The following OTUD7A variants were observed in gnomAD, a reference collection of about 807,000 sequenced individuals.
OTUD7A encodes OTU domain-containing protein 7A.
Under a neutral mutation model 65.7 loss-of-function variants are expected in OTUD7A, and 12 were observed. That is an observed-to-expected ratio of 0.18 (90% CI 0.12 to 0.30). OTUD7A has a LOEUF of 0.30. Ranked by LOEUF, OTUD7A falls within the 10% of genes least tolerant of loss-of-function variation. The pLI is 1.00. For synonymous variants in OTUD7A, 641 were observed against 586.3 expected (o/e 1.09, Z -1.35); for missense variants, 1,148 against 1,304.8 (o/e 0.88, Z 1.85).
intron 1 of OTUD7A, among the ~76,000 whole-genome samples, chr15:31,786,428 G>C (rs1323784709): frequency 6.6e-6 from 1 of 152,230 alleles, no homozygotes; most frequent in Non-Finnish European, 1.5e-5. Context: ...TGGACAGAGT[G>C]TCTCATTACT....
chr15:31,568,810 C>A (rs35332004), intron 4 of OTUD7A, among the ~76,000 whole-genome samples: 1 of 152,124 alleles, frequency 6.6e-6, no homozygotes, highest in Non-Finnish European at 1.5e-5. Flanking sequence ...TGCAGCACCT[C>A]TGCCTTCCAA....
At chr15:31,671,024 T>C (rs879572895) in intron 1 of OTUD7A, among the ~76,000 whole-genome samples, 5 of 152,166 alleles carry the variant, frequency 3.3e-5, no homozygotes, top group East Asian at 3.9e-4. Context: ...TCCCATTCTG[T>C]AGGCTGTCTG....
At chr15:31,834,634 T>C (rs985477086) in intron 1 of OTUD7A, among the ~76,000 whole-genome samples, 2 of 152,194 alleles carry the variant, frequency 1.3e-5, no homozygotes, top group African/African-American at 4.8e-5. Flanking sequence ...AGTTCTATTA[T>C]GTATGTATTC....
At chr15:31,506,858 T>C (rs2041578844) in intron 8 of OTUD7A, among the ~76,000 whole-genome samples, 1 of 152,220 alleles carries the variant, frequency 6.6e-6, no homozygotes, top group African/African-American at 2.4e-5. Context: ...TGATGGATTA[T>C]TTTAAGCAGT....
intron 1 of OTUD7A, among the ~76,000 whole-genome samples, chr15:31,860,513 T>C (rs1897689585): frequency 6.6e-6 from 1 of 151,064 alleles, no homozygotes; most frequent in Admixed American, 6.6e-5. Flanking sequence ...TGCATGAGCT[T>C]CTCCTCAAGG....
At chr15:31,713,835 T>C (rs1187118028) in intron 1 of OTUD7A, among the ~76,000 whole-genome samples, 1 of 151,724 alleles carries the variant, frequency 6.6e-6, no homozygotes, top group Non-Finnish European at 1.5e-5. Flanking sequence ...GAAATATACT[T>C]GTACATACAC....
At chr15:31,724,412 T>C (rs1471596481) in intron 1 of OTUD7A, among the ~76,000 whole-genome samples, 1 of 152,258 alleles carries the variant, frequency 6.6e-6, no homozygotes, top group Non-Finnish European at 1.5e-5. Context: ...CATTTGCAAA[T>C]GGTAAAGGGT....
chr15:31,746,911 G>A (rs1452269146), intron 1 of OTUD7A, among the ~76,000 whole-genome samples: 1 of 152,208 alleles, frequency 6.6e-6, no homozygotes, highest in East Asian at 1.9e-4. Flanking sequence ...TGGGGTGAGA[G>A]AAAATTTCTG....
chr15:31,529,444 T>G (rs530379418), intron 6 of OTUD7A, among the ~76,000 whole-genome samples: 1 of 152,296 alleles, frequency 6.6e-6, no homozygotes, highest in East Asian at 1.9e-4. Context: ...GACCGGAAGA[T>G]GATGACAATA....
intron 10 of OTUD7A, among the ~76,000 whole-genome samples, chr15:31,491,884 A>G (rs1291053907): frequency 6.6e-6 from 1 of 152,252 alleles, no homozygotes; most frequent in Non-Finnish European, 1.5e-5. Flanking sequence ...AGAAAAAAAA[A>G]AACTGTTAAT....
intron 1 of OTUD7A, among the ~76,000 whole-genome samples, chr15:31,860,259 T>C (rs1380921116): frequency 6.6e-6 from 1 of 152,184 alleles, no homozygotes; most frequent in Non-Finnish European, 1.5e-5. Context: ...TTTTGTTTAT[T>C]TGCAACCCAA....
chr15:31,489,468 C>G (rs1418600397), intron 10 of OTUD7A, among the ~76,000 whole-genome samples: 2 of 152,106 alleles, frequency 1.3e-5, no homozygotes, highest in East Asian at 3.9e-4. Context: ...GAACATCAGC[C>G]CAGCCACCAC....
chr15:31,601,069 A>T (rs1890059128), intron 3 of OTUD7A, among the ~76,000 whole-genome samples: 1 of 152,192 alleles, frequency 6.6e-6, no homozygotes, highest in Non-Finnish European at 1.5e-5. Context: ...AAAATTAACA[A>T]GGACATTCAG....
At chr15:31,694,561 C>T in intron 1 of OTUD7A, among the ~76,000 whole-genome samples, 1 of 152,148 alleles carries the variant, frequency 6.6e-6, no homozygotes, top group South Asian at 2.1e-4. Context: ...CCATATATCC[C>T]TTGAACTTAT....
intron 1 of OTUD7A, among the ~76,000 whole-genome samples, chr15:31,758,767 A>C (rs1187063636): frequency 6.6e-6 from 1 of 152,040 alleles, no homozygotes; most frequent in Non-Finnish European, 1.5e-5. Flanking sequence ...ACTTCCTCAA[A>C]CTCAACACGA....
intron 1 of OTUD7A, among the ~76,000 whole-genome samples, chr15:31,684,048 A>C (rs978820685): frequency 1.2e-4 from 19 of 152,248 alleles, no homozygotes; most frequent in Non-Finnish European, 2.4e-4. Flanking sequence ...AGCCACAGTA[A>C]GTTGGAAGCA....
chr15:31,527,047 T>G (rs903499013), intron 7 of OTUD7A, 134 bp downstream of exon 7: 2 of 1,345,984 alleles, frequency 1.5e-6, no homozygotes, highest in African/African-American at 2.9e-5. Context: ...GAGACTTTCC[T>G]GATCCCAGGG....
At chr15:31,830,067 A>G (rs1470998156) in intron 1 of OTUD7A, among the ~76,000 whole-genome samples, 2 of 152,160 alleles carry the variant, frequency 1.3e-5, no homozygotes, top group African/African-American at 4.8e-5. Flanking sequence ...GTGGCTGTAC[A>G]GTCTCATCAC....
chr15:31,836,405 A>G (rs1006763229), intron 1 of OTUD7A, among the ~76,000 whole-genome samples: 2 of 152,174 alleles, frequency 1.3e-5, no homozygotes, highest in South Asian at 2.1e-4. Context: ...TCATGAACTT[A>G]TATCACTTTA....
Sources: allele counts gnomAD v4.1 joint callset (sites outside exome capture counted in the v4.1 genomes callset), GRCh38; gene constraint gnomAD v4.1.1; transcripts MANE v1.5; gene names NCBI Gene and HGNC (gene_info 2026-07-23, HGNC 2026-07-21).